The following PPP1CB variants were observed in gnomAD, a reference collection of about 807,000 sequenced individuals.
PPP1CB encodes serine/threonine-protein phosphatase PP1-beta catalytic subunit.
PPP1CB carries 2 observed loss-of-function variants against 43.7 expected under a neutral mutation model. The observed-to-expected ratio is 0.05, with a 90% CI of 0.02 to 0.14. PPP1CB has a LOEUF of 0.14. Ranked by LOEUF, PPP1CB falls within the 10% of genes least tolerant of loss-of-function variation. The probability of loss-of-function intolerance (pLI) is 1.00; values close to 1 mark genes in which losing one functional copy is unlikely to be tolerated. For synonymous variants in PPP1CB, 136 were observed against 135.6 expected, an observed-to-expected ratio of 1.00 and a Z score of -0.02; for missense variants, 84 against 398.0, an observed-to-expected ratio of 0.21 and a Z score of 6.71.
chr2:28,757,076 TCTA>T (rs1343740899), intron 1 of PPP1CB, among the ~76,000 whole-genome samples: 4 of 152,154 alleles, frequency 2.6e-5, no homozygotes, highest in Non-Finnish European at 4.4e-5. Context: ...CCCCCACTAA[TCTA>T]CTTTTTTTTG....
chr2:28,793,907 A>G lies in PPP1CB; in HGVS notation c.789A>G (p.Val263=). ...GYEFFAKRQL[V]TLFSAPNYCG... ...AATTTTTTGCTAAACGACAGTTGGT[A>G]ACCTTATTTTCAGCCCCAAATTACT... Residue 263 remains valine, a synonymous_variant, in exon 7 of 8, where the codon GTA becomes GTG. Transcript: ENST00000395366. 2 of 1,614,124 alleles carry G rather than the reference A, an allele frequency of 1.2e-6. No individual in the cohort carries two copies. Among genetic ancestry groups the G allele is most frequent in the East Asian group, 2.2e-5 (1 of 44,870 alleles).
Position 28,788,704 on chromosome 2 carries a change from A to G in PPP1CB, c.639A>G (p.Gln213=). ...LLWSDPDKDV[Q]GWGENDRGVS... ...GGTCTGATCCAGATAAGGATGTGCA[A>G]GGCTGGGGAGAAAATGATCGTGGTG... Residue 213 remains glutamine (Q), a synonymous_variant, in exon 6 of 8, where the codon CAA becomes CAG. Coordinates refer to ENST00000395366, the MANE Select transcript of PPP1CB (RefSeq NM_002709.3). 2 of 1,614,066 alleles carry G rather than the reference A, an allele frequency of 1.2e-6. No homozygotes were observed. The highest frequency in any genetic ancestry group is 1.7e-6 in the Non-Finnish European group (2 of 1,179,942).
At chr2:28,770,926 TATATA>T in intron 1 of PPP1CB, among the ~76,000 whole-genome samples, 1 of 151,334 alleles carries the variant, frequency 6.6e-6, no homozygotes, top group Middle Eastern at 3.4e-3. Context: ...CATACTAGAG[TATATA>T]ACATTGCTGA....
rs976836983 is a variant in PPP1CB at position 28,771,752 on chromosome 2, G to A, written c.53-5099G>A. Among the ~76,000 whole-genome samples, 7 of 152,064 alleles carry A rather than the reference G, an allele frequency of 4.6e-5. No individual in the cohort carries two copies. In the East Asian group the frequency reaches 1.4e-3, roughly 29 times the overall value. On this transcript the variant is annotated intron_variant, in intron 1 of 7. Coordinates refer to ENST00000395366, the MANE Select transcript of PPP1CB (RefSeq NM_002709.3). ...TTTGAGATGGGTTATAGAATGAAGTGGGCTAAAACAATAAAATATCTGGAA... is the reference window on the plus strand; with the variant it reads ...TTTGAGATGGGTTATAGAATGAAGTAGGCTAAAACAATAAAATATCTGGAA...
At chr2:28,761,042 A>G (rs1666632595) in intron 1 of PPP1CB, among the ~76,000 whole-genome samples, 1 of 152,158 alleles carries the variant, frequency 6.6e-6, no homozygotes, top group Non-Finnish European at 1.5e-5. Flanking sequence ...CTGGGATTAC[A>G]GGCGCCTGCC....
At chr2:28,780,236 G>A (rs1458807711) in intron 3 of PPP1CB, among the ~76,000 whole-genome samples, 2 of 151,926 alleles carry the variant, frequency 1.3e-5, no homozygotes, top group East Asian at 3.9e-4. Context: ...TTACAGGCAT[G>A]TACCACGTTC....
intron 1 of PPP1CB, among the ~76,000 whole-genome samples, chr2:28,758,048 A>AT (rs113722278): frequency 0.018 from 2,510 of 143,428 alleles, 33 homozygotes; most frequent in South Asian, 0.04. Context: ...TTTTTAATTA[A>AT]TTTTTTTTTT....
chr2:28,753,306 T>C (rs1377816287), intron 1 of PPP1CB, among the ~76,000 whole-genome samples: 4 of 152,360 alleles, frequency 2.6e-5, no homozygotes, highest in Middle Eastern at 3.4e-3. Flanking sequence ...TATGTACTTA[T>C]ATTTGGAAAA....
chr2:28,784,469 G>T (rs1667218118), intron 5 of PPP1CB, among the ~76,000 whole-genome samples: 1 of 151,844 alleles, frequency 6.6e-6, no homozygotes, highest in African/African-American at 2.4e-5. Flanking sequence ...TCAATCTGTT[G>T]CCCAGGCTGG....
intron 4 of PPP1CB, chr2:28,782,630 A>G (rs1315085866): frequency 6.6e-6 from 1 of 152,252 alleles, no homozygotes; most frequent in African/African-American, 2.4e-5. Flanking sequence ...GGGAATGTGT[A>G]AGAACTGGCC....
intron 7 of PPP1CB, 24 bp from the exon 8 acceptor site, chr2:28,799,175 T>G (rs756992160): frequency 4.9e-6 from 7 of 1,428,082 alleles, no homozygotes; most frequent in Non-Finnish European, 6.8e-6. Context: ...AAAATAACAT[T>G]ATTTGTTAAT....
chr2:28,763,863 A>T (rs939564600), intron 1 of PPP1CB, among the ~76,000 whole-genome samples: 1 of 151,756 alleles, frequency 6.6e-6, no homozygotes, highest in Non-Finnish European at 1.5e-5. Context: ...GCGCCACCAC[A>T]CCTGGCTTAT....
In PPP1CB at chr2:28,801,367, A is replaced by G. The variant is rs1303393577; in HGVS notation, c.*2064A>G. The G allele has an allele frequency of 6.6e-6, 1 of 152,078 alleles. No homozygotes were observed. Among genetic ancestry groups the G allele is most frequent in the Non-Finnish European group, 1.5e-5 (1 of 67,970 alleles). 9.4% of individuals were successfully genotyped at this position (152,078 alleles called of 1,614,324 possible). A position where few individuals can be genotyped will look rare whatever the true frequency, so the allele number is the denominator to read the frequency against. ...TCAGTATTAAACCACATTAATCTGT[A>G]TCCCATTGTCTGGCTTTTGTAAATT... is the stretch of plus-strand genomic sequence containing the variant. On this transcript the variant is annotated 3_prime_UTR_variant, in exon 8 of 8. Coordinates refer to ENST00000395366, the MANE Select transcript of PPP1CB (RefSeq NM_002709.3).
chr2:28,778,398 A>G, intron 2 of PPP1CB: 1 of 472,294 alleles, frequency 2.1e-6, no homozygotes, highest in South Asian at 1.5e-5. Context: ...GTCTCTCACA[A>G]GGCTCCAATT....
intron 3 of PPP1CB, among the ~76,000 whole-genome samples, 156 bp from the exon 4 acceptor site, chr2:28,781,582 C>A (rs931782880): frequency 4.6e-5 from 7 of 151,958 alleles, no homozygotes; most frequent in African/African-American, 1.7e-4. Flanking sequence ...TTTGAAAGTA[C>A]GTAAATAACA....
At chr2:28,788,589 A>G (rs1667322499) in intron 5 of PPP1CB, 69 bp from the exon 6 acceptor site, 1 of 1,492,738 alleles carries the variant, frequency 6.7e-7, no homozygotes, top group Admixed American at 1.9e-5. Flanking sequence ...CTGAAATTTG[A>G]TGTAGATGTG....
chr2:28,781,427 A>G (rs1406497567), intron 3 of PPP1CB, among the ~76,000 whole-genome samples: 3 of 152,098 alleles, frequency 2.0e-5, no homozygotes, highest in Non-Finnish European at 2.9e-5. Context: ...TATACAATCG[A>G]TCTTCTGTAT....
intron 1 of PPP1CB, among the ~76,000 whole-genome samples, chr2:28,760,749 A>C (rs1666623895): frequency 6.6e-6 from 1 of 152,244 alleles, no homozygotes; most frequent in South Asian, 2.1e-4. Flanking sequence ...TGTCATATCT[A>C]GCAGTTGTAA....
In PPP1CB at chr2:28,799,413, A is replaced by AC. The variant is rs1667561507; in HGVS notation, c.*112dup. ...CATTTGACACCCTTTATGATGTCACACCTTTAACTTAAGGAGACGGGTAAA... is the reference window on the plus strand; with the variant it reads ...CATTTGACACCCTTTATGATGTCACACCCTTTAACTTAAGGAGACGGGTAAA... On this transcript the variant is annotated 3_prime_UTR_variant, in exon 8 of 8. Transcript: ENST00000395366. 1 of 801,826 alleles carries AC rather than the reference A, an allele frequency of 1.2e-6. No homozygotes were observed. Among genetic ancestry groups the AC allele is most frequent in the Non-Finnish European group, 2.0e-6 (1 of 507,394 alleles). 49.7% of individuals were successfully genotyped at this position (801,826 alleles called of 1,614,324 possible).
Sources: gnomAD v4.1 joint callset for allele counts (sites outside exome capture counted in the v4.1 genomes callset) on GRCh38, gnomAD v4.1.1 for gene constraint, MANE v1.5 for transcripts, NCBI Gene and HGNC (gene_info 2026-07-23, HGNC 2026-07-21) for gene names.